The following DNAAF9 variants were observed in gnomAD, a reference collection of about 807,000 sequenced individuals.
DNAAF9 encodes the protein dynein axonemal assembly factor 9, also known as shulin.
A neutral mutation model predicts 167.0 loss-of-function variants in DNAAF9; 90 were observed. The ratio of observed to expected loss-of-function variants is 0.54; its 90% CI spans 0.45 to 0.64. DNAAF9 has a LOEUF of 0.64. DNAAF9 is among the 30% of genes least tolerant of loss of function. The probability of loss-of-function intolerance (pLI) is 0.00; values close to 1 mark genes in which losing one functional copy is unlikely to be tolerated. For synonymous variants in DNAAF9, 491 were observed against 508.8 expected (o/e 0.96, Z 0.47); for missense variants, 1,315 against 1,442.2 (o/e 0.91, Z 1.43).
chr20:3,322,182 T>C (rs756595084), intron 16 of DNAAF9, 35 bp downstream of exon 16: 2 of 1,567,760 alleles, frequency 1.3e-6, no homozygotes, highest in Non-Finnish European at 1.8e-6. Context: ...CTACAGGCCA[T>C]TCCCAGCCAG....
intron 10 of DNAAF9, among the ~76,000 whole-genome samples, chr20:3,336,966 G>A (rs529751589): frequency 1.3e-3 from 191 of 143,024 alleles, no homozygotes; most frequent in Non-Finnish European, 2.5e-3. Flanking sequence ...TGCAAGCTCC[G>A]CCTCCCGGGT....
chr20:3,281,922 T>C (rs1248496140), intron 27 of DNAAF9, among the ~76,000 whole-genome samples, 156 bp from the exon 28 acceptor site: 1 of 152,202 alleles, frequency 6.6e-6, no homozygotes. Context: ...CTTCATGACA[T>C]GCAGCCCCTG....
intron 6 of DNAAF9, among the ~76,000 whole-genome samples, chr20:3,369,394 T>C (rs1005279028): frequency 4.0e-5 from 6 of 150,890 alleles, no homozygotes; most frequent in Non-Finnish European, 8.9e-5. Context: ...TTTTTTTTTT[T>C]CAGATGGAGT....
chr20:3,294,031 C>T, intron 25 of DNAAF9, 108 bp downstream of exon 25: 1 of 704,572 alleles, frequency 1.4e-6, no homozygotes, highest in Admixed American at 2.0e-5. Flanking sequence ...AGTCCTGTAA[C>T]AGGGACTCCA....
chr20:3,344,668 T>C (rs1234043478), intron 8 of DNAAF9, among the ~76,000 whole-genome samples: 1 of 151,666 alleles, frequency 6.6e-6, no homozygotes, highest in East Asian at 1.9e-4. Flanking sequence ...ATAAATTTAA[T>C]CTGCAGCTCT....
chr20:3,288,465 A>G (rs2068891148), intron 26 of DNAAF9, among the ~76,000 whole-genome samples: 1 of 152,188 alleles, frequency 6.6e-6, no homozygotes, highest in South Asian at 2.1e-4. Flanking sequence ...ATAAAAATAA[A>G]TGGGCAGGGT....
At chr20:3,317,693 T>C (rs1025916322) in intron 17 of DNAAF9, among the ~76,000 whole-genome samples, 1 of 151,748 alleles carries the variant, frequency 6.6e-6, no homozygotes, top group African/African-American at 2.4e-5. Flanking sequence ...GCCTCCTAGG[T>C]TCAAGTGATT....
chr20:3,400,409 G>A (rs1228102803), intron 1 of DNAAF9, among the ~76,000 whole-genome samples: 2 of 151,846 alleles, frequency 1.3e-5, no homozygotes, highest in African/African-American at 4.9e-5. Flanking sequence ...TTTGATAAAT[G>A]CACCAGGGTT....
chr20:3,275,815 C>T (rs1007603876), intron 29 of DNAAF9, among the ~76,000 whole-genome samples: 48 of 152,164 alleles, frequency 3.2e-4, no homozygotes, highest in Admixed American at 1.3e-4. Flanking sequence ...GACAGCCTGG[C>T]GTATCCTATT....
chr20:3,404,000 C>T (rs532797102), intron 1 of DNAAF9, among the ~76,000 whole-genome samples: 1 of 152,226 alleles, frequency 6.6e-6, no homozygotes, highest in African/African-American at 2.4e-5. Context: ...TAGTGACCCT[C>T]CACATTATCG....
chr20:3,259,786 A>C, intron 32 of DNAAF9, 136 bp downstream of exon 32: 1 of 680,608 alleles, frequency 1.5e-6, no homozygotes, highest in Non-Finnish European at 2.6e-6. Flanking sequence ...CACAATCCTC[A>C]AATCCCTCTG....
chr20:3,379,684 C>G (rs1442858546), intron 3 of DNAAF9, among the ~76,000 whole-genome samples: 1 of 152,204 alleles, frequency 6.6e-6, no homozygotes, highest in Non-Finnish European at 1.5e-5. Context: ...TTGGTGATCT[C>G]TGCTTTCCAA....
intron 25 of DNAAF9, among the ~76,000 whole-genome samples, chr20:3,292,465 T>C (rs1600719294): frequency 6.6e-6 from 1 of 152,312 alleles, no homozygotes; most frequent in Admixed American, 6.5e-5. Flanking sequence ...TCTTTGAGCC[T>C]ATTAAGACTT....
intron 27 of DNAAF9, among the ~76,000 whole-genome samples, chr20:3,286,939 A>G (rs2236100): frequency 0.57 from 86,917 of 152,048 alleles, 24,918 homozygotes; most frequent in Admixed American, 0.6. Context: ...TTCCCCTCTG[A>G]GCCTGGAGTG....
In DNAAF9 at chr20:3,264,423, A is replaced by AATG. The variant is rs753421414; in HGVS notation, c.2873+12_2873+14dup. The AATG allele has an allele frequency of 8.7e-6, 10 of 1,147,552 alleles. No individual in the cohort carries two copies. The South Asian group carries it at 1.3e-4, about 15-fold the overall frequency. 71.1% of individuals were successfully genotyped at this position (1,147,552 alleles called of 1,614,324 possible). On this transcript the variant is annotated intron_variant, in intron 31 of 36. Coordinates refer to ENST00000252032, the MANE Select transcript of DNAAF9 (RefSeq NM_001009984.3). ...TACAAAAAAATCTTAGTTATTTTTC[A>AATG]ATGATGATACTTGCCAGCCAGGATA...
intron 21 of DNAAF9, among the ~76,000 whole-genome samples, chr20:3,301,434 C>G (rs2069187738): frequency 6.6e-6 from 1 of 151,992 alleles, no homozygotes; most frequent in Non-Finnish European, 1.5e-5. Context: ...GTGATCCGCC[C>G]TTCTTGGCCT....
intron 1 of DNAAF9, among the ~76,000 whole-genome samples, chr20:3,396,245 C>T (rs939082436): frequency 6.6e-6 from 1 of 152,176 alleles, no homozygotes; most frequent in Non-Finnish European, 1.5e-5. Context: ...AAAGAACTTG[C>T]TAAACTCTAA....
At position 3,377,735 on chromosome 20, in the gene DNAAF9, G is replaced by C. The variant is rs150747729; in HGVS notation, c.284-1433C>G. 3.2e-4 allele frequency among the ~76,000 whole-genome samples: 49 copies of C among 152,182 alleles called. 2 individuals carry two copies. The East Asian group carries it at 9.3e-3, about 29-fold the overall frequency. ...TTGGCCTTGAAGTGCTAGGATTATA[G>C]GTGTGAGCCACTGCACCTGGCCAAG... On this transcript the variant is annotated intron_variant, in intron 3 of 36. Transcript: ENST00000252032.
chr20:3,291,345 G>GTTTTTTTT (rs1330690178), intron 25 of DNAAF9, among the ~76,000 whole-genome samples: 2 of 133,602 alleles, frequency 1.5e-5, no homozygotes, highest in African/African-American at 2.7e-5. Flanking sequence ...AAGTTTTTTT[G>GTTTTTTTT]TTTTTTTTTT....
Sources: gnomAD v4.1 joint callset for allele counts (sites outside exome capture counted in the v4.1 genomes callset) on GRCh38, gnomAD v4.1.1 for gene constraint, MANE v1.5 for transcripts, NCBI Gene and HGNC (gene_info 2026-07-23, HGNC 2026-07-21) for gene names.